The following SNAP91 variants were observed in gnomAD, a reference collection of about 807,000 sequenced individuals.
SNAP91 encodes clathrin coat assembly protein AP180.
A neutral mutation model predicts 100.3 loss-of-function variants in SNAP91; 27 were observed. The observed-to-expected ratio is 0.27, with a 90% CI of 0.20 to 0.37. SNAP91 has a LOEUF of 0.37. SNAP91 is among the 10% of genes least tolerant of loss of function. SNAP91 has a pLI of 1.00. For missense variants in SNAP91, 986 were observed against 1,123.7 expected, an observed-to-expected ratio of 0.88 and a Z score of 1.75; for synonymous variants, 404 against 398.6, an observed-to-expected ratio of 1.01 and a Z score of -0.16.
Position 83,656,705 on chromosome 6 carries a change from C to T in SNAP91, c.658+49G>A, listed in dbSNP as rs776721182. 11 of 813,364 alleles carry T rather than the reference C, an allele frequency of 1.4e-5. No homozygotes were observed. In the Admixed American group the frequency reaches 2.0e-4, roughly 15 times the overall value. The allele number at this position is 813,364 out of a possible 1,614,324, so 50.4% of individuals were successfully genotyped here. On this transcript the variant is annotated intron_variant, in intron 7 of 29. Transcript: ENST00000369694. Reference sequence around the variant, plus strand: ...GACTCACCCCACAGAATTCATCAATCTTACTGTGTATCCCATCAGCCCAGA... The same window carrying T: ...GACTCACCCCACAGAATTCATCAATTTTACTGTGTATCCCATCAGCCCAGA...
At chr6:83,630,578 A>T (rs1019767037) in intron 8 of SNAP91, among the ~76,000 whole-genome samples, 4 of 152,016 alleles carry the variant, frequency 2.6e-5, no homozygotes, top group African/African-American at 9.7e-5. Context: ...GGAGGATTGT[A>T]TCTTTCCAGA....
chr6:83,643,522 G>A (rs1357586001), intron 7 of SNAP91, among the ~76,000 whole-genome samples: 3 of 152,086 alleles, frequency 2.0e-5, no homozygotes, highest in African/African-American at 4.8e-5. Context: ...TTATTTCTGA[G>A]GGCTCTGTTC....
intron 5 of SNAP91, 94 bp from the exon 6 acceptor site, chr6:83,659,186 C>T (rs2098477520): frequency 1.1e-6 from 1 of 892,530 alleles, no homozygotes; most frequent in South Asian, 1.6e-5. Flanking sequence ...CACACCACCC[C>T]ATTTCCTTAT....
At chr6:83,562,265 T>A (rs1439356621) in intron 26 of SNAP91, among the ~76,000 whole-genome samples, 1 of 152,152 alleles carries the variant, frequency 6.6e-6, no homozygotes, top group East Asian at 1.9e-4. Flanking sequence ...TCCTTATGAC[T>A]GTTGATGAAA....
At chr6:83,576,256 A>T (rs1818581213) in intron 24 of SNAP91, among the ~76,000 whole-genome samples, 1 of 152,206 alleles carries the variant, frequency 6.6e-6, no homozygotes, top group Non-Finnish European at 1.5e-5. Flanking sequence ...TGTTAGACTT[A>T]AGGATCCATT....
intron 28 of SNAP91, among the ~76,000 whole-genome samples, chr6:83,556,589 G>T (rs981638215): frequency 6.6e-6 from 1 of 152,108 alleles, no homozygotes; most frequent in South Asian, 2.1e-4. Flanking sequence ...AAAATTTGGG[G>T]ACTCCAGTAG....
intron 2 of SNAP91, among the ~76,000 whole-genome samples, chr6:83,693,593 G>C (rs1021938944): frequency 7.9e-5 from 12 of 152,202 alleles, no homozygotes; most frequent in African/African-American, 2.9e-4. Flanking sequence ...GATGCTGGAA[G>C]AAAGTTTAAA....
At position 83,661,514 on chromosome 6, in the gene SNAP91, C is replaced by G. The variant is rs1586252549; in HGVS notation, c.440G>C (p.Arg147Thr). The change falls in exon 5 of 30, where the codon AGG becomes ACG. Residue 147 changes from arginine to threonine, a missense_variant. Physicochemically the swap from Arg to Thr is moderately conservative, Grantham distance 71. Transcript: ENST00000369694. ...GACAAAAACATACCCTTTCTTCACCCTGGCAAAATCAAAGGCCATCTGTCT... is the reference window on the plus strand; with the variant it reads ...GACAAAAACATACCCTTTCTTCACCGTGGCAAAATCAAAGGCCATCTGTCT... Reference protein sequence around the residue: ...SYRQMAFDFARVKKGADGVMR... With the variant: ...SYRQMAFDFATVKKGADGVMR... The G allele has an allele frequency of 6.2e-7, 1 of 1,603,844 alleles. No individual in the cohort carries two copies. The highest frequency in any genetic ancestry group is 8.5e-7 in the Non-Finnish European group (1 of 1,174,132).
chr6:83,596,215 C>T (rs959023380), intron 16 of SNAP91, among the ~76,000 whole-genome samples: 1 of 152,152 alleles, frequency 6.6e-6, no homozygotes, highest in Non-Finnish European at 1.5e-5. Flanking sequence ...GCACTATGCC[C>T]AGCCAGGAAT....
At chr6:83,659,141 T>C in intron 5 of SNAP91, 49 bp from the exon 6 acceptor site, 1 of 1,356,806 alleles carries the variant, frequency 7.4e-7, no homozygotes, top group Non-Finnish European at 1.0e-6. Context: ...ATATGGACAA[T>C]TCAAGACCAT....
intron 20 of SNAP91, 37 bp from the exon 21 acceptor site, chr6:83,592,575 C>A (rs769490273): frequency 6.5e-7 from 1 of 1,534,288 alleles, no homozygotes; most frequent in African/African-American, 1.4e-5. Context: ...GTGCATGTCA[C>A]CCAAGGGAAA....
chr6:83,679,657 T>C (rs1415895781), intron 2 of SNAP91, among the ~76,000 whole-genome samples: 1 of 152,166 alleles, frequency 6.6e-6, no homozygotes, highest in African/African-American at 2.4e-5. Context: ...CTACTTCCAC[T>C]ATAGCTTGGG....
intron 13 of SNAP91, among the ~76,000 whole-genome samples, chr6:83,606,935 A>G (rs2095652653): frequency 6.6e-6 from 1 of 152,172 alleles, no homozygotes; most frequent in East Asian, 1.9e-4. Context: ...TGCTATTATA[A>G]AATGCAGAAC....
In SNAP91 at chr6:83,560,863, C is replaced by T; in HGVS notation, c.2526+1G>A. 1 of 1,613,422 alleles carries T rather than the reference C, an allele frequency of 6.2e-7. No individual in the cohort carries two copies. The highest frequency in any genetic ancestry group is 8.5e-7 in the Non-Finnish European group (1 of 1,179,490). ...AATTTTTAGCACACGTCATCACTCACCATTCCAAATCCTGCTCCAGGTTGT... is the reference window on the plus strand; with the variant it reads ...AATTTTTAGCACACGTCATCACTCATCATTCCAAATCCTGCTCCAGGTTGT... On this transcript the variant is annotated splice_donor_variant, in intron 27 of 29. Transcript: ENST00000369694. LOFTEE classifies it high-confidence loss of function.
chr6:83,656,750 C>A lies in SNAP91; in HGVS notation c.658+4G>T. 6.9e-7 allele frequency: 1 copy of A among 1,444,388 alleles called. No individual in the cohort carries two copies. 89.5% of individuals were successfully genotyped at this position (1,444,388 alleles called of 1,614,324 possible). A position where few individuals can be genotyped will look rare whatever the true frequency, so the allele number is the denominator to read the frequency against. ...CCCAGACATGTTTCGGTTGTTCCACCTACCGAGTAAGTTAATAACACCATC... is the reference window on the plus strand; with the variant it reads ...CCCAGACATGTTTCGGTTGTTCCACATACCGAGTAAGTTAATAACACCATC... On this transcript the variant is annotated splice_donor_region_variant and intron_variant, in intron 7 of 29. Coordinates refer to ENST00000369694, the MANE Select transcript of SNAP91 (RefSeq NM_001242792.2).
chr6:83,659,244 C>T (rs1004632396), intron 5 of SNAP91, among the ~76,000 whole-genome samples, 152 bp from the exon 6 acceptor site: 1 of 151,992 alleles, frequency 6.6e-6, no homozygotes, highest in African/African-American at 2.4e-5. Flanking sequence ...TAGTCATTTC[C>T]CCCCTCTATC....
intron 6 of SNAP91, among the ~76,000 whole-genome samples, 161 bp from the exon 7 acceptor site, chr6:83,657,026 CAT>C (rs201371006): frequency 0.011 from 1,716 of 152,206 alleles, 23 homozygotes; most frequent in African/African-American, 0.036. Context: ...AGATGGACTA[CAT>C]ATGTTTTTGC....
In SNAP91 at chr6:83,629,182, G is replaced by T. The variant is rs142815058; in HGVS notation, c.766-5840C>A. ...AGATCAGTAAGCTGTAAGTATTTGGGTTTACTTCTGGGTTATCTGTTCTGT... is the reference window on the plus strand; with the variant it reads ...AGATCAGTAAGCTGTAAGTATTTGGTTTTACTTCTGGGTTATCTGTTCTGT... On this transcript the variant is annotated intron_variant, in intron 8 of 29. Transcript: ENST00000369694. 4.3e-3 allele frequency among the ~76,000 whole-genome samples: 646 copies of T among 151,940 alleles called. 4 individuals are homozygous for T. The highest frequency in any genetic ancestry group is 0.016 in the South Asian group (76 of 4,812).
intron 8 of SNAP91, among the ~76,000 whole-genome samples, chr6:83,630,764 C>A (rs2097174175): frequency 1.8e-5 from 2 of 108,594 alleles, no homozygotes; most frequent in Admixed American, 1.8e-4. Flanking sequence ...AATGGTCTAT[C>A]AATTTTATCT....
Sources: gnomAD v4.1 joint callset for allele counts (sites outside exome capture counted in the v4.1 genomes callset) on GRCh38, gnomAD v4.1.1 for gene constraint, MANE v1.5 for transcripts, NCBI Gene and HGNC (gene_info 2026-07-23, HGNC 2026-07-21) for gene names.